Variants in CSGALNACT1 observed in about 807,000 individuals in gnomAD.
CSGALNACT1 encodes chondroitin sulfate N-acetylgalactosaminyltransferase 1.
A neutral mutation model predicts 51.0 loss-of-function variants in CSGALNACT1; 52 were observed. The observed-to-expected ratio is 1.02, with a 90% CI of 0.82 to 1.29. CSGALNACT1 has a LOEUF of 1.29. Ranked by LOEUF, CSGALNACT1 falls within the 50% of genes most tolerant of loss-of-function variation. The probability of loss-of-function intolerance (pLI) is 0.00; values close to 1 mark genes in which losing one functional copy is unlikely to be tolerated. For missense variants in CSGALNACT1, 935 were observed against 679.2 expected, an observed-to-expected ratio of 1.38 and a Z score of -4.19; for synonymous variants, 341 against 254.4, an observed-to-expected ratio of 1.34 and a Z score of -3.24.
chr8:19,408,949 A>AACACACACACACACACACACAC (rs5889870), intron 8 of CSGALNACT1, among the ~76,000 whole-genome samples: 6,795 of 141,984 alleles, frequency 0.048, 220 homozygotes, highest in Middle Eastern at 0.072. Flanking sequence ...TAGATATGAA[A>AACACACACACACACACACACAC]ACACACACAC....
intron 1 of CSGALNACT1, among the ~76,000 whole-genome samples, chr8:19,754,690 A>G (rs1239191255): frequency 1.3e-5 from 2 of 152,226 alleles, no homozygotes; most frequent in East Asian, 3.8e-4. Context: ...CTTTTGACAC[A>G]AGGTTGCCCT....
intron 3 of CSGALNACT1, among the ~76,000 whole-genome samples, chr8:19,577,401 C>CAAAA (rs111734132): frequency 8.6e-5 from 9 of 104,264 alleles, no homozygotes; most frequent in Admixed American, 4.8e-4. Flanking sequence ...CCCACCTCTA[C>CAAAA]AAAAAAAAAA....
chr8:19,615,107 C>T (rs2052810264), intron 1 of CSGALNACT1, among the ~76,000 whole-genome samples: 1 of 152,130 alleles, frequency 6.6e-6, no homozygotes, highest in African/African-American at 2.4e-5. Context: ...AGTTTAAGAC[C>T]AGCCTGGTCA....
intron 5 of CSGALNACT1, among the ~76,000 whole-genome samples, chr8:19,442,464 A>G (rs4535750): frequency 0.46 from 69,802 of 150,870 alleles, 17,556 homozygotes; most frequent in East Asian, 0.84. Flanking sequence ...GCAAACTATC[A>G]TAAGGACAAA....
intron 3 of CSGALNACT1, among the ~76,000 whole-genome samples, chr8:19,515,091 C>T (rs1286128296): frequency 2.0e-5 from 3 of 152,072 alleles, no homozygotes; most frequent in African/African-American, 4.8e-5. Flanking sequence ...CCTTGATCCC[C>T]CATTCCTTCG....
chr8:19,747,584 C>G (rs117774707), intron 1 of CSGALNACT1, among the ~76,000 whole-genome samples: 1 of 152,208 alleles, frequency 6.6e-6, no homozygotes, highest in Non-Finnish European at 1.5e-5. Flanking sequence ...CCAGCTTACT[C>G]GATCCAACAA....
intron 1 of CSGALNACT1, among the ~76,000 whole-genome samples, chr8:19,673,965 G>A (rs1257915455): frequency 6.6e-6 from 1 of 152,174 alleles, no homozygotes; most frequent in East Asian, 1.9e-4. Flanking sequence ...TAAGAGCTTA[G>A]GTGAAGGGCA....
At chr8:19,645,919 G>T (rs1383282088) in intron 1 of CSGALNACT1, among the ~76,000 whole-genome samples, 2 of 152,076 alleles carry the variant, frequency 1.3e-5, no homozygotes, top group African/African-American at 4.8e-5. Context: ...AGGATAAAAG[G>T]AATGGGTAAA....
chr8:19,515,526 T>G (rs1418151484), intron 3 of CSGALNACT1, among the ~76,000 whole-genome samples: 1 of 152,118 alleles, frequency 6.6e-6, no homozygotes. Context: ...GAAAAGCAAC[T>G]GAGAATAAAC....
chr8:19,642,017 T>C (rs1261898964), intron 1 of CSGALNACT1: 1 of 152,204 alleles, frequency 6.6e-6, no homozygotes. Context: ...GCCTGATGTC[T>C]GTGTCTAACT....
chr8:19,540,581 A>C (rs1185726144), intron 3 of CSGALNACT1, among the ~76,000 whole-genome samples: 2 of 152,200 alleles, frequency 1.3e-5, no homozygotes, highest in Non-Finnish European at 2.9e-5. Flanking sequence ...ACATAAGGAA[A>C]AATTTCAAAT....
intron 1 of CSGALNACT1, among the ~76,000 whole-genome samples, chr8:19,645,174 C>T (rs953249921): frequency 6.6e-5 from 10 of 152,194 alleles, no homozygotes; most frequent in Non-Finnish European, 1.5e-4. Context: ...CAACAGGATT[C>T]ACCAGTTATT....
At chr8:19,719,777 G>A (rs1454071980) in intron 1 of CSGALNACT1, among the ~76,000 whole-genome samples, 1 of 118,910 alleles carries the variant, frequency 8.4e-6, no homozygotes, top group African/African-American at 3.4e-5. Flanking sequence ...TCTTCTTTAT[G>A]AGTAGCACCC....
intron 4 of CSGALNACT1, among the ~76,000 whole-genome samples, chr8:19,475,007 A>G (rs1213651603): frequency 6.6e-6 from 1 of 152,180 alleles, no homozygotes; most frequent in Non-Finnish European, 1.5e-5. Context: ...AGAAGTGAGC[A>G]GCTATAACAC....
intron 8 of CSGALNACT1, among the ~76,000 whole-genome samples, chr8:19,412,993 A>G (rs1271429179): frequency 6.6e-6 from 1 of 152,166 alleles, no homozygotes; most frequent in Admixed American, 6.5e-5. Context: ...GCCCAAAACA[A>G]TTCTAAGACT....
At chr8:19,513,433 T>C (rs1301407158) in intron 3 of CSGALNACT1, among the ~76,000 whole-genome samples, 1 of 104,474 alleles carries the variant, frequency 9.6e-6, no homozygotes, top group African/African-American at 3.6e-5. Context: ...TCTCTCTCTC[T>C]CTCTATATAT....
chr8:19,436,834 C>G (rs111442694), intron 6 of CSGALNACT1, among the ~76,000 whole-genome samples: 3 of 152,040 alleles, frequency 2.0e-5, no homozygotes, highest in African/African-American at 7.3e-5. Flanking sequence ...CCATGTGAGC[C>G]CAGGAGTTGG....
chr8:19,739,214 A>G (rs1005801205), intron 1 of CSGALNACT1, among the ~76,000 whole-genome samples: 2 of 151,912 alleles, frequency 1.3e-5, no homozygotes, highest in Non-Finnish European at 2.9e-5. Context: ...TGTAGGTAAC[A>G]GAAAGTCCTA....
At chr8:19,632,378 G>A (rs546191425) in intron 1 of CSGALNACT1, among the ~76,000 whole-genome samples, 1 of 152,346 alleles carries the variant, frequency 6.6e-6, no homozygotes, top group East Asian at 1.9e-4. Flanking sequence ...GCCGTTTACG[G>A]CACCTCTTCA....
Sources: allele counts gnomAD v4.1 joint callset (sites outside exome capture counted in the v4.1 genomes callset), GRCh38; gene constraint gnomAD v4.1.1; transcripts MANE v1.5; gene names NCBI Gene and HGNC (gene_info 2026-07-23, HGNC 2026-07-21).